Variants in C1orf94 observed in about 807,000 individuals in gnomAD.
C1orf94 encodes the protein chromosome 1 open reading frame 94, also known as uncharacterized protein C1orf94.
In C1orf94, 45 loss-of-function variants were observed where a neutral mutation model predicts 53.6. The ratio of observed to expected loss-of-function variants is 0.84; its 90% confidence interval spans 0.66 to 1.08. The LOEUF is 1.08. Among genes scored for constraint, C1orf94 ranks in the 50% least tolerant of loss-of-function variants. The pLI, the probability that C1orf94 is intolerant of heterozygous loss-of-function variation, is 0.00. For missense variants in C1orf94, 762 were observed against 738.9 expected (o/e 1.03, Z -0.36); for synonymous variants, 304 against 296.1 (o/e 1.03, Z -0.27).
chr1:34,206,208 G>A (rs1301556312), intron 4 of C1orf94, among the ~76,000 whole-genome samples: 3 of 152,250 alleles, frequency 2.0e-5, no homozygotes, highest in African/African-American at 7.2e-5. Flanking sequence ...GTGCTCCCAG[G>A]AGGACCAGGG....
At chr1:34,167,058 G>T (rs3806245) in exon 1 of C1orf94, 34,336 of 152,204 alleles carry the variant, frequency 0.23, 4,405 homozygotes, top group Admixed American at 0.33. Flanking sequence ...TTATGTTCCC[G>T]GGGCAGTGAG....
chr1:34,217,318 C>A (rs1220466068), intron 6 of C1orf94, among the ~76,000 whole-genome samples: 3 of 152,162 alleles, frequency 2.0e-5, no homozygotes, highest in African/African-American at 7.2e-5. Context: ...ACCTGGAGGA[C>A]CTAGCTGCAT....
At position 34,189,125 on chromosome 1, in the gene C1orf94, T is replaced by A. The variant is rs141683277; in HGVS notation, c.321-8100T>A. Among the ~76,000 whole-genome samples, 8 of 151,868 alleles carry A rather than the reference T, an allele frequency of 5.3e-5. No homozygotes were observed. In the East Asian group the frequency reaches 1.6e-3, roughly 29 times the overall value. ...GTATGCATGGATGTGTGTTCATGTG[T>A]GCAGGATGTGTGTGTATGGATGTGT... On this transcript the variant is annotated intron_variant, in intron 1 of 6. Coordinates refer to ENST00000488417, the MANE Select transcript of C1orf94 (RefSeq NM_001134734.2).
At chr1:34,180,529 G>A (rs1277666117) in intron 1 of C1orf94, among the ~76,000 whole-genome samples, 1 of 152,198 alleles carries the variant, frequency 6.6e-6, no homozygotes, top group Non-Finnish European at 1.5e-5. Context: ...CTTTGCCCAA[G>A]CTCCTACAGT....
At chr1:34,173,563 A>G (rs571300599), upstream of C1orf94, among the ~76,000 whole-genome samples, 2 of 152,356 alleles carry the variant, frequency 1.3e-5, no homozygotes, top group South Asian at 4.1e-4. Flanking sequence ...AGAAAAGCTA[A>G]GAATCCCAGA....
intron 4 of C1orf94, among the ~76,000 whole-genome samples, chr1:34,203,083 G>A (rs1642738221): frequency 6.6e-6 from 1 of 152,104 alleles, no homozygotes; most frequent in South Asian, 2.1e-4. Flanking sequence ...TTTTATATCA[G>A]GCACTTGAAC....
chr1:34,211,528 C>G (rs758867633), intron 5 of C1orf94, among the ~76,000 whole-genome samples: 9 of 152,182 alleles, frequency 5.9e-5, no homozygotes, highest in Non-Finnish European at 1.2e-4. Context: ...GCCCTTCCTC[C>G]TAGACTCACA....
intron 1 of C1orf94, among the ~76,000 whole-genome samples, chr1:34,181,808 G>C (rs890398041): frequency 1.3e-5 from 2 of 152,202 alleles, no homozygotes; most frequent in Non-Finnish European, 2.9e-5. Flanking sequence ...GTCAAGGAAG[G>C]CTTCTCTGAG....
At chr1:34,213,810 G>A (rs1642937562) in intron 6 of C1orf94, among the ~76,000 whole-genome samples, 1 of 151,924 alleles carries the variant, frequency 6.6e-6, no homozygotes, top group Admixed American at 6.6e-5. Context: ...CAAAGTGCTG[G>A]GATTACAGCC....
rs557623934 is a variant in C1orf94, at chr1:34,170,970, G to A, written c.-251+3799G>A. Reference sequence around the variant, plus strand: ...GTTTCAGGTTACTTACAACAACTGAGTAACAAGTGCCCATCTCTGCTCTTG... The same window carrying A: ...GTTTCAGGTTACTTACAACAACTGAATAACAAGTGCCCATCTCTGCTCTTG... On this transcript the variant is annotated intron_variant, in intron 1 of 6. Coordinates refer to the C1orf94 transcript ENST00000373374. 3.1e-4 allele frequency among the ~76,000 whole-genome samples: 47 copies of A among 152,312 alleles called. 1 individual carries two copies. Among genetic ancestry groups the A allele is most frequent in the South Asian group, 2.9e-3 (14 of 4,826 alleles).
intron 5 of C1orf94, among the ~76,000 whole-genome samples, chr1:34,209,351 C>T (rs1234959448): frequency 6.7e-6 from 1 of 150,132 alleles, no homozygotes; most frequent in Non-Finnish European, 1.5e-5. Context: ...TAGTTGTACA[C>T]ATGCCACCAA....
chr1:34,176,127 T>C (rs571458977), upstream of C1orf94, among the ~76,000 whole-genome samples: 1 of 151,844 alleles, frequency 6.6e-6, no homozygotes, highest in East Asian at 2.0e-4. Context: ...AGAGGAGGGG[T>C]TGCATCAGTA....
chr1:34,189,995 G>A (rs1347792126), intron 1 of C1orf94, among the ~76,000 whole-genome samples: 3 of 152,156 alleles, frequency 2.0e-5, no homozygotes, highest in Non-Finnish European at 4.4e-5. Context: ...GAGGGGGTAA[G>A]AGGGGAGATT....
At chr1:34,187,565 C>T (rs1642402437) in intron 1 of C1orf94, among the ~76,000 whole-genome samples, 1 of 151,634 alleles carries the variant, frequency 6.6e-6, no homozygotes, top group Admixed American at 6.6e-5. Context: ...ACGTTATTTC[C>T]AATTCAGCTC....
At chr1:34,195,875 G>A (rs1276054256) in intron 1 of C1orf94, among the ~76,000 whole-genome samples, 1 of 151,946 alleles carries the variant, frequency 6.6e-6, no homozygotes, top group Admixed American at 6.6e-5. Flanking sequence ...CATGGTCACC[G>A]TTTTGGAGAC....
rs747441377 is a variant in C1orf94, at chr1:34,197,912, G to A, written c.1008G>A (p.Met336Ile). 6.2e-7 allele frequency: 1 copy of A among 1,610,528 alleles called. No homozygotes were observed. Among genetic ancestry groups the A allele is most frequent in the Non-Finnish European group, 8.5e-7 (1 of 1,178,020 alleles). ...ADPAVERHHL[M>I]EWSPGTKEPK... is the part of the protein sequence containing the mutation. ...CTGCTGTGGAGAGGCACCACTTGAT[G>A]GGTGAGTGGGGTTGGAACTGGGGTA... is the stretch of plus-strand genomic sequence containing the variant. Residue 336 changes from methionine (M) to isoleucine (I), a missense_variant and splice_region_variant, in exon 2 of 7, where the codon ATG becomes ATA. Transcript: ENST00000488417. This position sits in a 1 kb window ranked among gnomAD's most constrained non-coding sequence, Gnocchi z 4.1.
chr1:34,201,766 G>T (rs1364710136), intron 3 of C1orf94, among the ~76,000 whole-genome samples: 1 of 152,184 alleles, frequency 6.6e-6, no homozygotes, highest in Middle Eastern at 3.2e-3. Flanking sequence ...ATTTCATTTT[G>T]TAAGTAGGTG....
chr1:34,196,399 G>A (rs1612291), intron 1 of C1orf94, among the ~76,000 whole-genome samples: 9,920 of 152,128 alleles, frequency 0.065, 873 homozygotes, highest in African/African-American at 0.21. Context: ...ATCAGTGCAG[G>A]GATCTCCCCA....
chr1:34,177,917 C>T lies in C1orf94; in HGVS notation c.128C>T (p.Ala43Val). 1 of 1,551,722 alleles carries T rather than the reference C, an allele frequency of 6.4e-7. No homozygotes were observed. The highest frequency in any genetic ancestry group is 1.4e-5 in the African/African-American group (1 of 73,174). The change falls in exon 1 of 7, where the codon GCC becomes GTC. Residue 43 changes from alanine (A) to valine (V), a missense_variant. By Grantham distance (64) the Ala-to-Val change is moderately conservative. Transcript: ENST00000488417. Reference protein sequence around the residue: ...SSALVAKGPCALGPFPRYIWI... With the variant: ...SSALVAKGPCVLGPFPRYIWI... ...GCCCTGGTGGCCAAGGGCCCCTGCG[C>T]CCTGGGCCCATTCCCCAGATACATC...
Sources: allele counts gnomAD v4.1 joint callset (sites outside exome capture counted in the v4.1 genomes callset), GRCh38; gene constraint gnomAD v4.1.1; non-coding constraint Gnocchi (gnomAD v3.1); transcripts MANE v1.5; gene names NCBI Gene and HGNC (gene_info 2026-07-23, HGNC 2026-07-21).